The following DMD variants were observed in gnomAD, a reference collection of about 807,000 sequenced individuals.
DMD encodes dystrophin, also known as mutant dystrophin.
DMD carries 63 observed loss-of-function variants against 330.1 expected under a neutral mutation model. The ratio of observed to expected loss-of-function variants is 0.19; its 90% confidence interval spans 0.16 to 0.24. The LOEUF (loss-of-function observed/expected upper bound fraction) is 0.24, where lower values mean the gene tolerates loss of function less well. Ranked by LOEUF, DMD falls within the 10% of genes least tolerant of loss-of-function variation. The pLI is 1.00. For missense variants in DMD, 3,344 were observed against 2,684.1 expected, an observed-to-expected ratio of 1.25 and a Z score of -5.43; for synonymous variants, 1,223 against 959.8, an observed-to-expected ratio of 1.27 and a Z score of -5.07.
intron 24 of DMD, 51 bp downstream of exon 24, chrX:32,464,535 T>C (rs759370955): frequency 1.4e-5 from 13 of 961,112 alleles, no homozygotes; most frequent in Non-Finnish European, 1.9e-5. Context: ...TCTAACCAAA[T>C]AATATTCATA....
chrX:32,199,053 C>T (rs750415099), intron 44 of DMD, among the ~76,000 whole-genome samples: 3 of 111,962 alleles, frequency 2.7e-5, no homozygotes, highest in Non-Finnish European at 3.8e-5. Flanking sequence ...AATGTGTATA[C>T]GTATTGACGT....
chrX:32,190,017 G>C (rs781318413), intron 44 of DMD, among the ~76,000 whole-genome samples: 2 of 110,555 alleles, frequency 1.8e-5, no homozygotes, highest in East Asian at 5.7e-4. Flanking sequence ...TCCTCATAAA[G>C]ACCTCCCCCT....
intron 55 of DMD, among the ~76,000 whole-genome samples, chrX:31,614,854 T>G (rs1393615263): frequency 8.9e-6 from 1 of 112,364 alleles, no homozygotes; most frequent in East Asian, 2.7e-4. Context: ...AATCACATGC[T>G]GATAACCTAA....
At chrX:32,811,420 A>G (rs1270345919) in intron 6 of DMD, among the ~76,000 whole-genome samples, 1 of 111,655 alleles carries the variant, frequency 9.0e-6, no homozygotes, top group Non-Finnish European at 1.9e-5. Flanking sequence ...TCTGCTTTAT[A>G]CTATTCTCAT....
At position 32,219,403 on chromosome X, in the gene DMD, A is replaced by C. The variant is rs556938987; in HGVS notation, c.6291-2340T>G. On this transcript the variant is annotated intron_variant, in intron 43 of 78. Coordinates refer to ENST00000357033, the MANE Select transcript of DMD (RefSeq NM_004006.3). ...TGAATGAGAATCTAAAAATCTATGC[A>C]ACATAGTTAGCATTGTTCCATACTG... Among the ~76,000 whole-genome samples, 6 of 112,373 alleles carry C rather than the reference A, an allele frequency of 5.3e-5. No individual in the cohort carries two copies. The South Asian group carries it at 1.5e-3, about 28-fold the overall frequency.
At chrX:33,183,431 G>A (rs2050090334) in intron 1 of DMD, among the ~76,000 whole-genome samples, 1 of 111,887 alleles carries the variant, frequency 8.9e-6, no homozygotes, top group South Asian at 3.7e-4. Context: ...ATTTGTCAAA[G>A]CTAAGGAAAA....
intron 41 of DMD, among the ~76,000 whole-genome samples, chrX:32,332,413 A>AGTGTGTGTGC (rs1557283126): frequency 3.1e-5 from 3 of 95,342 alleles, no homozygotes; most frequent in Non-Finnish European, 6.2e-5. Context: ...ATGGATAAAA[A>AGTGTGTGTGC]GTGTGTGTGT....
intron 1 of DMD, among the ~76,000 whole-genome samples, chrX:33,202,274 G>A (rs1253626692): frequency 9.0e-6 from 1 of 111,319 alleles, no homozygotes; most frequent in African/African-American, 3.3e-5. Flanking sequence ...CAACTGACTG[G>A]TTAAGAATCT....
chrX:32,780,879 C>T (rs1026351624), intron 7 of DMD, among the ~76,000 whole-genome samples: 2 of 108,494 alleles, frequency 1.8e-5, no homozygotes, highest in African/African-American at 6.7e-5. Context: ...ATCACGAGGT[C>T]AGGAGATCGA....
chrX:31,488,581 C>T (rs1158115829), intron 57 of DMD, among the ~76,000 whole-genome samples: 1 of 111,819 alleles, frequency 8.9e-6, no homozygotes, highest in African/African-American at 3.3e-5. Context: ...AGCCATTGAC[C>T]TCAGAATTTT....
chrX:31,910,717 G>A (rs1407388803), intron 47 of DMD, among the ~76,000 whole-genome samples: 2 of 111,609 alleles, frequency 1.8e-5, no homozygotes, highest in Admixed American at 1.9e-4. Context: ...GTCAGATTTA[G>A]AGATTGGTGG....
rs527661389 is a variant in DMD at position 31,816,951 on chromosome X, G to A, written c.7309+3024C>T. Among the ~76,000 whole-genome samples the A allele has an allele frequency of 1.3e-4, 15 of 111,729 alleles. No individual in the cohort carries two copies. The Middle Eastern group carries it at 0.023, about 173-fold the overall frequency. ...CATCTGTATCTGTAATTTTCCATTA[G>A]GTTCTTGGACAGAGAGATAGTGTAA... On this transcript the variant is annotated intron_variant, in intron 50 of 78. Transcript: ENST00000357033.
At chrX:32,086,606 C>T (rs1202414479) in intron 44 of DMD, among the ~76,000 whole-genome samples, 1 of 111,440 alleles carries the variant, frequency 9.0e-6, no homozygotes, top group Non-Finnish European at 1.9e-5. Flanking sequence ...ATTGTCACTC[C>T]AAGTTTCCTT....
chrX:32,176,475 G>C (rs2096906948), intron 44 of DMD, among the ~76,000 whole-genome samples: 1 of 112,028 alleles, frequency 8.9e-6, no homozygotes, highest in Non-Finnish European at 1.9e-5. Context: ...ATATGGTTGG[G>C]TTGATGATCA....
At chrX:33,228,210 T>A (rs1231890442) in intron 1 of DMD, among the ~76,000 whole-genome samples, 1 of 110,175 alleles carries the variant, frequency 9.1e-6, no homozygotes, top group Non-Finnish European at 1.9e-5. Flanking sequence ...AGAGTTAACT[T>A]TATTTGGAAT....
intron 62 of DMD, among the ~76,000 whole-genome samples, chrX:31,304,692 A>G (rs2054898467): frequency 9.1e-6 from 1 of 110,381 alleles, no homozygotes; most frequent in African/African-American, 3.3e-5. Context: ...AATTAATGTA[A>G]TGAATTCATT....
chrX:33,222,315 G>A (rs946681889), intron 1 of DMD, among the ~76,000 whole-genome samples: 6 of 111,911 alleles, frequency 5.4e-5, no homozygotes, highest in Non-Finnish European at 1.1e-4. Flanking sequence ...ATCAGTAAAT[G>A]TACTAAAAGC....
At chrX:32,376,229 C>G (rs1247104436) in intron 34 of DMD, among the ~76,000 whole-genome samples, 1 of 111,690 alleles carries the variant, frequency 9.0e-6, no homozygotes. Flanking sequence ...GAGCCGAGAT[C>G]GGGCCATTGC....
intron 7 of DMD, among the ~76,000 whole-genome samples, chrX:32,725,905 T>TGATA: frequency 9.0e-6 from 1 of 111,268 alleles, no homozygotes; most frequent in Admixed American, 9.6e-5. Context: ...GATTATTATT[T>TGATA]ACTGCATGCC....
Sources: gnomAD v4.1 joint callset for allele counts (sites outside exome capture counted in the v4.1 genomes callset) on GRCh38, gnomAD v4.1.1 for gene constraint, MANE v1.5 for transcripts, NCBI Gene and HGNC (gene_info 2026-07-23, HGNC 2026-07-21) for gene names.